Variants in FOXP1 observed in about 807,000 individuals in gnomAD.
FOXP1 encodes forkhead box P1.
In FOXP1, 15 loss-of-function variants were observed where a neutral mutation model predicts 98.2. The observed-to-expected ratio is 0.15, with a 90% CI of 0.10 to 0.24. FOXP1 has a LOEUF of 0.24. FOXP1 is among the 10% of genes least tolerant of loss of function. FOXP1 has a pLI of 1.00. For missense variants in FOXP1, 633 were observed against 848.5 expected (o/e 0.75, Z 3.15); for synonymous variants, 371 against 314.5 (o/e 1.18, Z -1.90).
At chr3:71,348,563 A>ACGCGCGCG (rs1385052298) in intron 4 of FOXP1, among the ~76,000 whole-genome samples, 4 of 138,200 alleles carry the variant, frequency 2.9e-5, no homozygotes, top group African/African-American at 1.0e-4. Flanking sequence ...GCGCGCGCGC[A>ACGCGCGCG]CGCATATGCA....
intron 5 of FOXP1, among the ~76,000 whole-genome samples, chr3:71,199,670 G>A (rs926900780): frequency 1.3e-5 from 2 of 151,946 alleles, no homozygotes; most frequent in Non-Finnish European, 2.9e-5. Context: ...AACCTAGGGG[G>A]TGGAGGTTGC....
chr3:71,126,717 A>C (rs2059206834), intron 6 of FOXP1, among the ~76,000 whole-genome samples: 1 of 151,752 alleles, frequency 6.6e-6, no homozygotes, highest in South Asian at 2.1e-4. Context: ...CCAGCTACTT[A>C]GGAGGACGAT....
intron 14 of FOXP1, among the ~76,000 whole-genome samples, chr3:70,980,788 G>A (rs1189633609): frequency 6.6e-6 from 1 of 152,160 alleles, no homozygotes; most frequent in Non-Finnish European, 1.5e-5. Flanking sequence ...GCTAATTGCT[G>A]CCCTTGAAGC....
chr3:71,300,341 G>A (rs770368113), intron 4 of FOXP1, among the ~76,000 whole-genome samples: 12 of 152,048 alleles, frequency 7.9e-5, no homozygotes, highest in Non-Finnish European at 1.8e-4. Context: ...CTGCCACTTC[G>A]GACCTTTCAA....
chr3:71,327,258 G>A (rs934384268), intron 4 of FOXP1, among the ~76,000 whole-genome samples: 2 of 50,380 alleles, frequency 4.0e-5, no homozygotes, highest in Non-Finnish European at 1.1e-4. Context: ...GAGGGAGGAG[G>A]TGACAGCCTT....
At chr3:71,431,571 C>T (rs911044593) in intron 3 of FOXP1, among the ~76,000 whole-genome samples, 1 of 152,154 alleles carries the variant, frequency 6.6e-6, no homozygotes, top group Non-Finnish European at 1.5e-5. Context: ...AAGTAAGTGG[C>T]GAAGCAGAGA....
chr3:71,119,854 C>T (rs1297862840), intron 6 of FOXP1, among the ~76,000 whole-genome samples: 1 of 152,154 alleles, frequency 6.6e-6, no homozygotes, highest in Non-Finnish European at 1.5e-5. Context: ...AGTATTCATA[C>T]AGAGTCAATA....
At chr3:70,998,131 C>A (rs1393096114) in intron 13 of FOXP1, among the ~76,000 whole-genome samples, 1 of 152,158 alleles carries the variant, frequency 6.6e-6, no homozygotes, top group East Asian at 1.9e-4. Context: ...TTTTTCTGAT[C>A]CTCTTGACCA....
chr3:71,174,822 A>C (rs1348790454), intron 6 of FOXP1, among the ~76,000 whole-genome samples: 8 of 151,200 alleles, frequency 5.3e-5, no homozygotes, highest in Admixed American at 2.0e-4. Flanking sequence ...ACACACACAC[A>C]CACACCCCAA....
intron 2 of FOXP1, chr3:71,572,215 T>C (rs2047391791): frequency 6.6e-6 from 1 of 152,214 alleles, no homozygotes. Context: ...TTTCCCTTAA[T>C]GTAAGAGATC....
rs369294457 is a variant in FOXP1 at position 71,123,031 on chromosome 3, C to T, written c.181-10394G>A. 7.2e-5 allele frequency among the ~76,000 whole-genome samples: 11 copies of T among 152,200 alleles called. No individual in the cohort carries two copies. The East Asian group carries it at 2.1e-3, about 29-fold the overall frequency. On this transcript the variant is annotated intron_variant, in intron 6 of 20. Coordinates refer to ENST00000649528, the MANE Select transcript of FOXP1 (RefSeq NM_001349338.3). ...TTCTTTTCCCCACACAAAAGACTTGCTTTTTTTCAACCAGACCTTTCCATG... is the reference window on the plus strand; with the variant it reads ...TTCTTTTCCCCACACAAAAGACTTGTTTTTTTTCAACCAGACCTTTCCATG...
intron 6 of FOXP1, chr3:71,130,396 A>T: frequency 8.7e-7 from 1 of 1,155,538 alleles, no homozygotes; most frequent in African/African-American, 1.5e-5. Flanking sequence ...AACAAGTTGG[A>T]TCACCTTATT....
At chr3:71,477,789 T>C (rs1163507250) in intron 3 of FOXP1, among the ~76,000 whole-genome samples, 2 of 152,220 alleles carry the variant, frequency 1.3e-5, no homozygotes, top group African/African-American at 4.8e-5. Context: ...CAAGGTAATT[T>C]CTAATATTGA....
At position 70,977,659 on chromosome 3, in the gene FOXP1, G is replaced by T; in HGVS notation, c.1412C>A (p.Ala471Glu). ...NAEVRPPFTY[A>E]SLIRQAILES... ...TTTACTTACCTGCCTAATTAAAGATGCATATGTAAATGGTGGTCTAACTTC... is the reference window on the plus strand; with the variant it reads ...TTTACTTACCTGCCTAATTAAAGATTCATATGTAAATGGTGGTCTAACTTC... The change falls in exon 16 of 21, where the codon GCA becomes GAA. Residue 471 changes from alanine (A) to glutamate (E), a missense_variant. Coordinates refer to ENST00000649528, the MANE Select transcript of FOXP1 (RefSeq NM_001349338.3). The T allele has an allele frequency of 6.2e-7, 1 of 1,613,064 alleles. No homozygotes were observed. The highest frequency in any genetic ancestry group is 8.5e-7 in the Non-Finnish European group (1 of 1,179,070).
chr3:71,034,681 G>A (rs1027740010), intron 11 of FOXP1, among the ~76,000 whole-genome samples: 20 of 152,154 alleles, frequency 1.3e-4, no homozygotes, highest in Non-Finnish European at 2.6e-4. Context: ...ACCATCACAT[G>A]TCAGGTCCTT....
intron 4 of FOXP1, among the ~76,000 whole-genome samples, chr3:71,339,828 T>C (rs2076911834): frequency 6.6e-6 from 1 of 152,172 alleles, no homozygotes; most frequent in Non-Finnish European, 1.5e-5. Flanking sequence ...CAGAATCACA[T>C]GGCTTCTTCC....
At chr3:71,375,402 T>C (rs2079640669) in intron 3 of FOXP1, among the ~76,000 whole-genome samples, 1 of 152,190 alleles carries the variant, frequency 6.6e-6, no homozygotes, top group African/African-American at 2.4e-5. Flanking sequence ...GAGCAAGAAA[T>C]GGTATATGAT....
intron 2 of FOXP1, chr3:71,581,013 T>C (rs1054209747): frequency 1.5e-4 from 150 of 983,720 alleles, no homozygotes; most frequent in Admixed American, 7.4e-4. Flanking sequence ...CCAAATGAAA[T>C]GTTTATATTA....
intron 3 of FOXP1, among the ~76,000 whole-genome samples, chr3:71,474,886 A>T (rs1247317262): frequency 6.6e-6 from 1 of 152,122 alleles, no homozygotes; most frequent in Non-Finnish European, 1.5e-5. Context: ...CCTCTGGTCC[A>T]TGGAAAAACC....
Sources: allele counts gnomAD v4.1 joint callset (sites outside exome capture counted in the v4.1 genomes callset), GRCh38; gene constraint gnomAD v4.1.1; transcripts MANE v1.5; gene names NCBI Gene and HGNC (gene_info 2026-07-23, HGNC 2026-07-21).